STAM2: variants seen among roughly 807,000 people sequenced by gnomAD.
STAM2 encodes signal transducing adaptor molecule 2, also known as signal transducing adapter molecule 2.
In STAM2, 51 loss-of-function variants were observed where a neutral mutation model predicts 65.6. That is an observed-to-expected ratio of 0.78 (90% CI 0.62 to 0.98). The LOEUF is 0.98. Ranked by LOEUF, STAM2 falls within the 50% of genes least tolerant of loss-of-function variation. STAM2 has a pLI of 0.00. For missense variants in STAM2, 584 were observed against 617.8 expected, an observed-to-expected ratio of 0.95 and a Z score of 0.58; for synonymous variants, 198 against 208.4, an observed-to-expected ratio of 0.95 and a Z score of 0.43.
chr2:152,132,066 G>C lies in STAM2; in HGVS notation c.1025+48C>G. 2.1e-6 allele frequency: 3 copies of C among 1,402,226 alleles called. No homozygotes were observed. The African/African-American group carries it at 4.5e-5, about 21-fold the overall frequency. 86.9% of individuals were successfully genotyped at this position (1,402,226 alleles called of 1,614,324 possible). On this transcript the variant is annotated intron_variant, in intron 11 of 13. Transcript: ENST00000263904. ...TACTTTACTGTTTGCCAAAACACAA[G>C]TGAACCCCCCAAAACTATACTTTTT...
chr2:152,133,462 T>C lies in STAM2; in HGVS notation c.822A>G (p.Val274=). Residue 274 remains valine, a synonymous_variant, in exon 9 of 14, where the codon GTA becomes GTG. Coordinates refer to ENST00000263904, the MANE Select transcript of STAM2 (RefSeq NM_005843.6). The stretch of plus-strand genomic sequence containing the variant: ...TAATTTCCTCCACATCATCATCAAT[T>C]ACATTCAATTTGTCCACAGCCGCTA... ...TEAAAVDKLN[V]IDDDVEEIKK... is the part of the protein sequence containing the mutation. The C allele has an allele frequency of 6.2e-7, 1 of 1,612,766 alleles. No individual in the cohort carries two copies. Among genetic ancestry groups the C allele is most frequent in the East Asian group, 2.2e-5 (1 of 44,778 alleles).
At chr2:152,175,560 A>T (rs1405049157) in intron 1 of STAM2, 43 bp downstream of exon 1, 1 of 1,612,684 alleles carries the variant, frequency 6.2e-7, no homozygotes, top group Non-Finnish European at 8.5e-7. Context: ...ACAGCAGTCC[A>T]GGGCCAGGCA....
chr2:152,125,565 T>A (rs1323219083), intron 12 of STAM2, among the ~76,000 whole-genome samples: 1 of 152,156 alleles, frequency 6.6e-6, no homozygotes, highest in African/African-American at 2.4e-5. Flanking sequence ...TCGCTTCACA[T>A]GGCAAGCACA....
At chr2:152,172,301 C>G (rs2105573133) in intron 1 of STAM2, among the ~76,000 whole-genome samples, 1 of 152,116 alleles carries the variant, frequency 6.6e-6, no homozygotes, top group Non-Finnish European at 1.5e-5. Context: ...TGCCAGAGTT[C>G]CCTACTTCCT....
intron 1 of STAM2, among the ~76,000 whole-genome samples, chr2:152,161,146 T>G (rs1689665414): frequency 6.6e-6 from 1 of 152,094 alleles, no homozygotes; most frequent in Non-Finnish European, 1.5e-5. Flanking sequence ...CATTTTGTTC[T>G]GTACTAAGAA....
At chr2:152,141,880 C>G (rs1462356341) in intron 7 of STAM2, among the ~76,000 whole-genome samples, 1 of 152,136 alleles carries the variant, frequency 6.6e-6, no homozygotes, top group Non-Finnish European at 1.5e-5. Flanking sequence ...TTAGCCACCA[C>G]GCCCTGCCAG....
chr2:152,130,909 T>G (rs1348278832), intron 11 of STAM2, among the ~76,000 whole-genome samples: 1 of 147,682 alleles, frequency 6.8e-6, no homozygotes, highest in African/African-American at 2.5e-5. Flanking sequence ...AGCCAGAGAA[T>G]GGCTTGAACC....
chr2:152,154,741 A>G (rs1689511669), intron 1 of STAM2, among the ~76,000 whole-genome samples: 1 of 152,244 alleles, frequency 6.6e-6, no homozygotes, highest in Non-Finnish European at 1.5e-5. Context: ...TACTAAATGT[A>G]TCAGTTCTTA....
intron 1 of STAM2, among the ~76,000 whole-genome samples, chr2:152,157,961 A>G (rs1689583952): frequency 6.6e-6 from 1 of 152,258 alleles, no homozygotes; most frequent in African/African-American, 2.4e-5. Context: ...AATGTCCACC[A>G]TAATATAAAA....
At chr2:152,162,736 G>C (rs1412540521) in intron 1 of STAM2, among the ~76,000 whole-genome samples, 1 of 152,146 alleles carries the variant, frequency 6.6e-6, no homozygotes, top group African/African-American at 2.4e-5. Context: ...ACGCCTCCCT[G>C]GTTCAAGTGA....
chr2:152,162,442 C>T (rs149437080), intron 1 of STAM2, among the ~76,000 whole-genome samples: 86 of 152,090 alleles, frequency 5.7e-4, no homozygotes, highest in African/African-American at 2.0e-3. Flanking sequence ...TAGTCTGGTA[C>T]GGTGATGCGC....
At position 152,117,354 on chromosome 2, in the gene STAM2, C is replaced by T. The variant is rs181465390; in HGVS notation, c.*3220G>A. The T allele has an allele frequency of 6.6e-6, 1 of 152,206 alleles. No individual in the cohort carries two copies. The highest frequency in any genetic ancestry group is 2.4e-5 in the African/African-American group (1 of 41,514). The allele number at this position is 152,206 out of a possible 1,614,324, so 9.4% of individuals were successfully genotyped here. ...TTTAAAATTTTTGTAGAGATAGGGT[C>T]TTGCCATGTTGCCAGGTTGGTCTCA... On this transcript the variant is annotated 3_prime_UTR_variant, in exon 14 of 14. Coordinates refer to ENST00000263904, the MANE Select transcript of STAM2 (RefSeq NM_005843.6).
chr2:152,132,666 GAAGAATT>G (rs1341393143), intron 10 of STAM2, among the ~76,000 whole-genome samples: 1 of 90,268 alleles, frequency 1.1e-5, no homozygotes, highest in Non-Finnish European at 2.4e-5. Flanking sequence ...AAAGATTTAA[GAAGAATT>G]ATTTACCAGA....
chr2:152,131,831 C>A, intron 11 of STAM2: 1 of 361,786 alleles, frequency 2.8e-6, no homozygotes, highest in Non-Finnish European at 5.0e-6. Context: ...TATCACTGAT[C>A]CAGGCAGTTC....
chr2:152,132,119 A>G lies in STAM2; in HGVS notation c.1020T>C (p.Ile340=). ...GPMIDEKLEE[I]DRKHSELSEL... is the part of the protein sequence containing the mutation. ...TCCTGCACGAAAAATCTCACCTATCAATTTCTTCAAGTTTTTCATCTATCA... is the reference window on the plus strand; with the variant it reads ...TCCTGCACGAAAAATCTCACCTATCGATTTCTTCAAGTTTTTCATCTATCA... The change falls in exon 11 of 14, where the codon ATT becomes ATC. Residue 340 remains isoleucine, a synonymous_variant. Transcript: ENST00000263904. 6.2e-7 allele frequency: 1 copy of G among 1,611,318 alleles called. No individual in the cohort carries two copies. The highest frequency in any genetic ancestry group is 8.5e-7 in the Non-Finnish European group (1 of 1,178,212).
intron 13 of STAM2, among the ~76,000 whole-genome samples, chr2:152,122,057 AAT>A (rs59011840): frequency 0.04 from 5,306 of 131,574 alleles, 234 homozygotes; most frequent in African/African-American, 0.12. Context: ...CCAAAAAAAA[AAT>A]ATATATATAT....
intron 1 of STAM2, among the ~76,000 whole-genome samples, chr2:152,173,112 C>G (rs1689926993): frequency 6.6e-6 from 1 of 151,080 alleles, no homozygotes; most frequent in Non-Finnish European, 1.5e-5. Flanking sequence ...AACTCACAGT[C>G]TATTTACTCA....
At chr2:152,138,702 A>G (rs1167695365) in intron 7 of STAM2, among the ~76,000 whole-genome samples, 2 of 152,234 alleles carry the variant, frequency 1.3e-5, no homozygotes, top group African/African-American at 4.8e-5. Context: ...AAAGCCAGAA[A>G]ATAACTGATG....
At chr2:152,164,583 C>T (rs947862599) in intron 1 of STAM2, among the ~76,000 whole-genome samples, 3 of 152,198 alleles carry the variant, frequency 2.0e-5, no homozygotes, top group Non-Finnish European at 2.9e-5. Context: ...CTCAGGTGAT[C>T]TGCCCACCTT....
Sources: allele counts gnomAD v4.1 joint callset (sites outside exome capture counted in the v4.1 genomes callset), GRCh38; gene constraint gnomAD v4.1.1; transcripts MANE v1.5; gene names NCBI Gene and HGNC (gene_info 2026-07-23, HGNC 2026-07-21).